The following GABRB1 variants were observed in gnomAD, a reference collection of about 807,000 sequenced individuals.
The protein encoded by GABRB1 is gamma-aminobutyric acid receptor subunit beta-1.
In GABRB1, 17 loss-of-function variants were observed where a neutral mutation model predicts 51.6. That is an observed-to-expected ratio of 0.33 (90% CI 0.23 to 0.49). The LOEUF (loss-of-function observed/expected upper bound fraction) is 0.49, where lower values mean the gene tolerates loss of function less well. GABRB1 is among the 20% of genes least tolerant of loss of function. GABRB1 has a pLI of 0.99. For missense variants in GABRB1, 410 were observed against 600.6 expected (o/e 0.68, Z 3.32); for synonymous variants, 247 against 218.9 (o/e 1.13, Z -1.14).
At chr4:47,298,227 G>T (rs1428411727) in intron 4 of GABRB1, among the ~76,000 whole-genome samples, 2 of 152,202 alleles carry the variant, frequency 1.3e-5, no homozygotes, top group African/African-American at 4.8e-5. Context: ...CATAGAGTTG[G>T]AAGTTCTGGC....
At chr4:47,060,312 A>G (rs545494485) in intron 3 of GABRB1, among the ~76,000 whole-genome samples, 1 of 152,326 alleles carries the variant, frequency 6.6e-6, no homozygotes, top group East Asian at 1.9e-4. Flanking sequence ...ACTACTCTTA[A>G]GTTTACCATC....
At chr4:47,098,127 C>T (rs2109600556) in intron 3 of GABRB1, among the ~76,000 whole-genome samples, 1 of 150,972 alleles carries the variant, frequency 6.6e-6, no homozygotes, top group East Asian at 2.0e-4. Context: ...TATCAAGGTT[C>T]CCTGGAAAGT....
chr4:47,182,090 G>A (rs1270939588), intron 4 of GABRB1, among the ~76,000 whole-genome samples: 1 of 151,948 alleles, frequency 6.6e-6, no homozygotes, highest in Non-Finnish European at 1.5e-5. Context: ...CCCTGTTTTT[G>A]CTTAGATTCT....
chr4:47,402,667 C>T (rs890149188), intron 5 of GABRB1, among the ~76,000 whole-genome samples: 4 of 152,060 alleles, frequency 2.6e-5, no homozygotes, highest in African/African-American at 9.7e-5. Context: ...TACACATTCC[C>T]CTTAAATTAA....
intron 4 of GABRB1, among the ~76,000 whole-genome samples, chr4:47,175,217 T>C (rs1679545680): frequency 6.6e-6 from 1 of 151,654 alleles, no homozygotes; most frequent in Admixed American, 6.6e-5. Flanking sequence ...TCTTTCTCTC[T>C]TTCTTCTCTT....
intron 4 of GABRB1, among the ~76,000 whole-genome samples, chr4:47,224,894 T>C (rs1720894858): frequency 6.6e-6 from 1 of 152,050 alleles, no homozygotes; most frequent in African/African-American, 2.4e-5. Flanking sequence ...GTTGCTGTTG[T>C]TTTTGTTTTT....
chr4:47,131,131 G>C (rs564657508), intron 3 of GABRB1, among the ~76,000 whole-genome samples: 21 of 152,012 alleles, frequency 1.4e-4, no homozygotes, highest in Middle Eastern at 6.8e-3. Context: ...GCCATTCTAT[G>C]AATGCTTAAG....
rs989974180 is a variant in GABRB1, at chr4:47,320,286, A to G, written c.544+77A>G. 2.3e-5 allele frequency: 21 copies of G among 926,336 alleles called. No individual in the cohort carries two copies. In the African/African-American group the frequency reaches 2.4e-4, roughly 11 times the overall value. The allele number at this position is 926,336 out of a possible 1,614,324, so 57.4% of individuals were successfully genotyped here. On this transcript the variant is annotated intron_variant, in intron 5 of 8. Transcript: ENST00000295454. ...TTGAATTCAACTTCTCACTGAGTTA[A>G]TTAGCACCAGGATTTTCTAGCTGCG...
Position 47,425,808 on chromosome 4 carries a change from C to T in GABRB1, c.1215C>T (p.Arg405=). The T allele has an allele frequency of 2.5e-6, 4 of 1,614,160 alleles. No individual in the cohort carries two copies. The highest frequency in any genetic ancestry group is 1.3e-5 in the African/African-American group (1 of 75,062). The part of the protein sequence containing the change: ...YSYDSASIQY[R]KPLSSREAYG... ...ATGACAGCGCCAGCATCCAGTACCG[C>T]AAGCCCCTGAGCAGCCGCGAGGCCT... Residue 405 remains arginine (R), a synonymous_variant, in exon 9 of 9, where the codon CGC becomes CGT. Coordinates refer to ENST00000295454, the MANE Select transcript of GABRB1 (RefSeq NM_000812.4).
At chr4:47,336,156 A>T (rs376471979) in intron 5 of GABRB1, among the ~76,000 whole-genome samples, 1 of 152,200 alleles carries the variant, frequency 6.6e-6, no homozygotes, top group African/African-American at 2.4e-5. Flanking sequence ...TAGACATTTA[A>T]GTGGAGATAT....
chr4:47,121,028 T>C (rs1715753686), intron 3 of GABRB1, among the ~76,000 whole-genome samples: 1 of 152,176 alleles, frequency 6.6e-6, no homozygotes, highest in Non-Finnish European at 1.5e-5. Context: ...GCACTAAGAC[T>C]TGCCTGGGAG....
intron 3 of GABRB1, among the ~76,000 whole-genome samples, chr4:47,139,122 A>G (rs1439612134): frequency 6.6e-6 from 1 of 151,970 alleles, no homozygotes; most frequent in East Asian, 1.9e-4. Context: ...ATTTATCAGG[A>G]CTGTGAATCT....
chr4:47,265,914 A>T (rs999598055), intron 4 of GABRB1, among the ~76,000 whole-genome samples: 1 of 151,956 alleles, frequency 6.6e-6, no homozygotes, highest in East Asian at 1.9e-4. Flanking sequence ...CACTCTGTTG[A>T]TTGTTTCTTT....
chr4:47,290,938 C>T (rs1723702837), intron 4 of GABRB1, among the ~76,000 whole-genome samples: 1 of 152,266 alleles, frequency 6.6e-6, no homozygotes, highest in East Asian at 1.9e-4. Context: ...AAAAGAAAAA[C>T]CCATTTTCTG....
At position 47,294,666 on chromosome 4, in the gene GABRB1, C is replaced by T. The variant is rs113735644; in HGVS notation, c.462-25461C>T. 1.4e-4 allele frequency among the ~76,000 whole-genome samples: 22 copies of T among 152,368 alleles called. 1 individual carries two copies. The South Asian group carries it at 4.1e-3, about 29-fold the overall frequency. On this transcript the variant is annotated intron_variant, in intron 4 of 8. Transcript: ENST00000295454. Reference sequence around the variant, plus strand: ...GCCTGTCTGCCTTTGTAGGCTCCACCTCTGGGGGCAGGAAACAGACAAACA... The same window carrying T: ...GCCTGTCTGCCTTTGTAGGCTCCACTTCTGGGGGCAGGAAACAGACAAACA...
At chr4:47,155,847 C>T (rs1027250909) in intron 3 of GABRB1, among the ~76,000 whole-genome samples, 1 of 146,470 alleles carries the variant, frequency 6.8e-6, no homozygotes, top group African/African-American at 2.5e-5. Flanking sequence ...TGTTCATACA[C>T]ATATTTTTCA....
chr4:47,294,105 A>T (rs1405874415), intron 4 of GABRB1, among the ~76,000 whole-genome samples: 1 of 152,220 alleles, frequency 6.6e-6, no homozygotes, highest in African/African-American at 2.4e-5. Flanking sequence ...CTTACTTAGA[A>T]ATTATCTAGG....
intron 3 of GABRB1, among the ~76,000 whole-genome samples, chr4:47,114,347 A>C (rs1258425542): frequency 6.6e-6 from 1 of 152,030 alleles, no homozygotes; most frequent in Non-Finnish European, 1.5e-5. Flanking sequence ...CAAAGACAGC[A>C]ACTGTATTTA....
chr4:47,064,265 G>T (rs1203655359), intron 3 of GABRB1, among the ~76,000 whole-genome samples: 3 of 152,140 alleles, frequency 2.0e-5, no homozygotes, highest in African/African-American at 7.2e-5. Context: ...TCCTTCTCCA[G>T]TGAGGTCTTT....
Sources: gnomAD v4.1 joint callset for allele counts (sites outside exome capture counted in the v4.1 genomes callset) on GRCh38, gnomAD v4.1.1 for gene constraint, MANE v1.5 for transcripts, NCBI Gene and HGNC (gene_info 2026-07-23, HGNC 2026-07-21) for gene names.